Variants in BMPR2 observed in about 807,000 individuals in gnomAD.
The protein encoded by BMPR2 is bone morphogenetic protein receptor type 2, also known as bone morphogenetic protein receptor type-2.
BMPR2 carries 29 observed loss-of-function variants against 100.8 expected under a neutral mutation model. The ratio of observed to expected loss-of-function variants is 0.29; its 90% confidence interval spans 0.21 to 0.39. BMPR2 has a LOEUF of 0.39. Ranked by LOEUF, BMPR2 falls within the 10% of genes least tolerant of loss-of-function variation. The pLI, the probability that BMPR2 is intolerant of heterozygous loss-of-function variation, is 1.00. For missense variants in BMPR2, 1,011 were observed against 1,274.5 expected, an observed-to-expected ratio of 0.79 and a Z score of 3.15; for synonymous variants, 382 against 442.3, an observed-to-expected ratio of 0.86 and a Z score of 1.71.
intron 1 of BMPR2, among the ~76,000 whole-genome samples, chr2:202,457,698 A>C (rs2105953607): frequency 6.6e-6 from 1 of 151,958 alleles, no homozygotes; most frequent in Non-Finnish European, 1.5e-5. Flanking sequence ...AGACACTTCT[A>C]CTCAAAGGAC....
At chr2:202,432,804 GT>G (rs1691534240) in intron 1 of BMPR2, among the ~76,000 whole-genome samples, 1 of 150,504 alleles carries the variant, frequency 6.6e-6, no homozygotes, top group Non-Finnish European at 1.5e-5. Flanking sequence ...ATTGGCATTT[GT>G]TTTGCAAGTT....
At chr2:202,456,519 T>C (rs1294234657) in intron 1 of BMPR2, among the ~76,000 whole-genome samples, 1 of 148,296 alleles carries the variant, frequency 6.7e-6, no homozygotes, top group East Asian at 2.0e-4. Context: ...CTTTCTTTCT[T>C]TTTTTTTTTT....
intron 1 of BMPR2, among the ~76,000 whole-genome samples, chr2:202,394,934 G>A (rs1300821072): frequency 6.6e-6 from 1 of 150,794 alleles, no homozygotes. Context: ...TTCCCAGGCT[G>A]GAGTGCAGTG....
intron 2 of BMPR2, among the ~76,000 whole-genome samples, chr2:202,465,625 G>A (rs747374019): frequency 2.9e-4 from 44 of 151,804 alleles, no homozygotes; most frequent in Non-Finnish European, 5.4e-4. Context: ...TTGGGAGGCC[G>A]AGGCGGGTGG....
intron 1 of BMPR2, among the ~76,000 whole-genome samples, chr2:202,428,749 C>T (rs1691442914): frequency 6.6e-6 from 1 of 152,140 alleles, no homozygotes; most frequent in African/African-American, 2.4e-5. Context: ...TCTTATAGTC[C>T]ATGAAAATGG....
intron 1 of BMPR2, among the ~76,000 whole-genome samples, chr2:202,384,044 C>T (rs780047168): frequency 4.0e-5 from 6 of 150,822 alleles, no homozygotes; most frequent in Non-Finnish European, 5.9e-5. Context: ...TGGTGGCGGG[C>T]GCCTATAATC....
chr2:202,434,159 G>A (rs1574446545), intron 1 of BMPR2, among the ~76,000 whole-genome samples: 1 of 150,540 alleles, frequency 6.6e-6, no homozygotes, highest in East Asian at 1.9e-4. Context: ...ACCCAAATCA[G>A]CTATAGACGA....
intron 11 of BMPR2, 121 bp downstream of exon 11, chr2:202,553,009 A>T: frequency 1.6e-6 from 2 of 1,270,496 alleles, no homozygotes; most frequent in Non-Finnish European, 2.2e-6. Flanking sequence ...ATACAATCTA[A>T]AGTTATCATT....
intron 1 of BMPR2, among the ~76,000 whole-genome samples, chr2:202,447,067 GGA>G (rs2105944245): frequency 6.7e-6 from 1 of 149,696 alleles, no homozygotes; most frequent in Non-Finnish European, 1.5e-5. Flanking sequence ...CAGCACTTTG[GGA>G]GGCCGAGGTG....
intron 1 of BMPR2, among the ~76,000 whole-genome samples, chr2:202,377,821 C>T (rs1256607809): frequency 2.0e-5 from 3 of 152,250 alleles, no homozygotes; most frequent in Admixed American, 1.3e-4. Context: ...GGTATCTTGA[C>T]ATTTTTAGCT....
chr2:202,429,857 G>A (rs562087977), intron 1 of BMPR2, among the ~76,000 whole-genome samples: 2 of 152,142 alleles, frequency 1.3e-5, no homozygotes, highest in African/African-American at 4.8e-5. Flanking sequence ...CATGAGAACA[G>A]CATGGGGGAA....
At chr2:202,428,199 A>G (rs1340044312) in intron 1 of BMPR2, among the ~76,000 whole-genome samples, 1 of 151,452 alleles carries the variant, frequency 6.6e-6, no homozygotes, top group Non-Finnish European at 1.5e-5. Flanking sequence ...TTTACCTTTT[A>G]CCCTTTTCTT....
At chr2:202,541,735 A>AT (rs1461116050) in intron 9 of BMPR2, among the ~76,000 whole-genome samples, 3 of 152,206 alleles carry the variant, frequency 2.0e-5, no homozygotes, top group African/African-American at 7.2e-5. Context: ...ACCAGAAACC[A>AT]TTTAAAAATA....
At chr2:202,407,185 C>A (rs986218867) in intron 1 of BMPR2, among the ~76,000 whole-genome samples, 1 of 151,948 alleles carries the variant, frequency 6.6e-6, no homozygotes, top group East Asian at 1.9e-4. Context: ...TCAAATGATC[C>A]GCCTACCTTG....
At chr2:202,395,637 A>G (rs956243295) in intron 1 of BMPR2, among the ~76,000 whole-genome samples, 16 of 152,220 alleles carry the variant, frequency 1.1e-4, no homozygotes, top group Non-Finnish European at 4.4e-5. Context: ...AGGTAGGGAT[A>G]AAAGCTTACA....
At chr2:202,397,121 T>C (rs922846636) in intron 1 of BMPR2, among the ~76,000 whole-genome samples, 1 of 152,114 alleles carries the variant, frequency 6.6e-6, no homozygotes, top group Non-Finnish European at 1.5e-5. Flanking sequence ...TTTATTGATA[T>C]CTTGAATCTC....
intron 1 of BMPR2, among the ~76,000 whole-genome samples, chr2:202,413,575 A>G (rs951765844): frequency 6.6e-5 from 10 of 152,220 alleles, no homozygotes; most frequent in African/African-American, 2.4e-4. Flanking sequence ...AACTATATAG[A>G]ACATACAAGA....
chr2:202,435,358 T>C (rs1249837109), intron 1 of BMPR2, among the ~76,000 whole-genome samples: 1 of 111,630 alleles, frequency 9.0e-6, no homozygotes, highest in Non-Finnish European at 1.8e-5. Context: ...AGCCAGATCC[T>C]GTCTCAAAAA....
chr2:202,416,515 TC>T (rs759046153), intron 1 of BMPR2, among the ~76,000 whole-genome samples: 1 of 151,558 alleles, frequency 6.6e-6, no homozygotes, highest in Non-Finnish European at 1.5e-5. Context: ...AACTTCTGCT[TC>T]CTGGGTTCAA....
Sources: allele counts gnomAD v4.1 joint callset (sites outside exome capture counted in the v4.1 genomes callset), GRCh38; gene constraint gnomAD v4.1.1; transcripts MANE v1.5; gene names NCBI Gene and HGNC (gene_info 2026-07-23, HGNC 2026-07-21).